The following TBCD variants were observed in gnomAD, a reference collection of about 807,000 sequenced individuals.
TBCD encodes the protein tubulin folding cofactor D.
TBCD carries 105 observed loss-of-function variants against 169.3 expected under a neutral mutation model. The observed-to-expected ratio is 0.62, with a 90% CI of 0.53 to 0.73. The LOEUF (loss-of-function observed/expected upper bound fraction) is 0.73. Ranked by LOEUF, TBCD falls within the 30% of genes least tolerant of loss-of-function variation. The pLI, the probability that TBCD is intolerant of heterozygous loss-of-function variation, is 0.00. For missense variants in TBCD, 1,444 were observed against 1,600.1 expected (o/e 0.90, Z 1.66); for synonymous variants, 700 against 643.9 (o/e 1.09, Z -1.32).
At chr17:82,877,028 T>A in intron 14 of TBCD, 1 of 952,372 alleles carries the variant, frequency 1.1e-6, no homozygotes, top group Non-Finnish European at 1.3e-6. Context: ...TTTCCATTCT[T>A]TCTTCATTAA....
At chr17:82,881,444 A>T (rs1448190496) in intron 14 of TBCD, among the ~76,000 whole-genome samples, 1 of 152,152 alleles carries the variant, frequency 6.6e-6, no homozygotes, top group Non-Finnish European at 1.5e-5. Flanking sequence ...GGCTGTGCTG[A>T]TGCTGGAGCA....
chr17:82,826,764 A>G (rs2052885142), intron 13 of TBCD, among the ~76,000 whole-genome samples: 1 of 150,456 alleles, frequency 6.6e-6, no homozygotes, highest in South Asian at 2.1e-4. Flanking sequence ...CAACAGTACA[A>G]TTTTTGCTTT....
Position 82,752,286 on chromosome 17 carries a change from C to T in TBCD, c.93C>T (p.Gly31=), listed in dbSNP as rs1374671309. The change falls in exon 1 of 39, where the codon GGC becomes GGT. Residue 31 remains glycine (G), a synonymous_variant. Coordinates refer to ENST00000355528, the MANE Select transcript of TBCD (RefSeq NM_005993.5). The part of the protein sequence containing the change: ...LAFGAALEAF[G]ESAETRALLG... ...TTGGCGCGGCGCTGGAAGCGTTCGG[C>T]GAGAGCGCGGAGACCCGGGCGCTGC... 2 of 1,512,876 alleles carry T rather than the reference C, an allele frequency of 1.3e-6. No individual in the cohort carries two copies. 93.7% of individuals were successfully genotyped at this position (1,512,876 alleles called of 1,614,324 possible).
In TBCD at chr17:82,924,951, C is replaced by G. The variant is rs374216515; in HGVS notation, c.2273C>G (p.Thr758Arg). The G allele has an allele frequency of 1.3e-6, 2 of 1,564,634 alleles. No individual in the cohort carries two copies. Among genetic ancestry groups the G allele is most frequent in the Non-Finnish European group, 1.7e-6 (2 of 1,153,562 alleles). Residue 758 changes from threonine (T) to arginine (R), a missense_variant, in exon 27 of 39, where the codon ACG becomes AGG. By Grantham distance (71) the Thr-to-Arg change is moderately conservative. Coordinates refer to ENST00000355528, the MANE Select transcript of TBCD (RefSeq NM_005993.5). ...ADPAIQEELI[T>R]QYLAELRNPE... ...TGCTTCCTTTCAGAGGAGCTGATCA[C>G]GCAGTACCTGGCTGAGCTTCGGAAC...
rs1420482668 is a variant in TBCD at position 82,920,575 on chromosome 17, G to A, written c.2058G>A (p.Lys686=). 10 of 1,527,762 alleles carry A rather than the reference G, an allele frequency of 6.5e-6. No homozygotes were observed. The highest frequency in any genetic ancestry group is 8.8e-6 in the Non-Finnish European group (10 of 1,132,450). 94.6% of individuals were successfully genotyped at this position (1,527,762 alleles called of 1,614,324 possible). A position where few individuals can be genotyped will look rare whatever the true frequency, so the allele number is the denominator to read the frequency against. ...TTCCAGTGTGTGTTTTAATAGAAAA[G>A]TTGTCACTTTCCAAAATGCCCTTTA... ...MRQAVCVLIE[K]LSLSKMPFRG... is the part of the protein sequence containing the mutation. Residue 686 remains lysine, a synonymous_variant, in exon 24 of 39, where the codon AAG becomes AAA. Transcript: ENST00000355528. This position sits in a 1 kb window ranked among gnomAD's most constrained non-coding sequence, Gnocchi z 4.1.
At chr17:82,755,829 G>A (rs563905704) in intron 1 of TBCD, among the ~76,000 whole-genome samples, 7 of 152,210 alleles carry the variant, frequency 4.6e-5, no homozygotes, top group South Asian at 2.1e-4. Context: ...GGCCCTTAAC[G>A]GCTGGCAGAG....
chr17:82,878,960 T>G (rs1190229301), intron 14 of TBCD, among the ~76,000 whole-genome samples: 3 of 152,244 alleles, frequency 2.0e-5, no homozygotes, highest in Non-Finnish European at 2.9e-5. Flanking sequence ...TTTGTTTGAG[T>G]TATAATCTAA....
intron 20 of TBCD, among the ~76,000 whole-genome samples, chr17:82,907,538 T>C (rs1363859810): frequency 6.6e-6 from 1 of 152,178 alleles, no homozygotes; most frequent in African/African-American, 2.4e-5. Context: ...AAGAATGCAA[T>C]GTAAAACAAT....
Position 82,884,281 on chromosome 17 carries a change from G to A in TBCD, c.1533+79G>A. 1 of 1,365,650 alleles carries A rather than the reference G, an allele frequency of 7.3e-7. No homozygotes were observed. Among genetic ancestry groups the A allele is most frequent in the Non-Finnish European group, 1.0e-6 (1 of 980,228 alleles). The allele number at this position is 1,365,650 out of a possible 1,614,324, so 84.6% of individuals were successfully genotyped here. A position where few individuals can be genotyped will look rare whatever the true frequency, so the allele number is the denominator to read the frequency against. On this transcript the variant is annotated intron_variant, in intron 15 of 38. Transcript: ENST00000355528. The surrounding 1 kb of genome is among the most constrained non-coding windows in gnomAD (Gnocchi z 4.2). The stretch of plus-strand genomic sequence containing the variant: ...TCTCCCTGATGCTCCTCTGTGCACT[G>A]CTGCCTGGCCAGCTCACCCATCCAC...
chr17:82,869,842 C>T (rs937583984), intron 13 of TBCD, among the ~76,000 whole-genome samples: 3 of 152,036 alleles, frequency 2.0e-5, no homozygotes, highest in South Asian at 2.1e-4. Context: ...GAACCAGGGG[C>T]GCCTCTCCCT....
intron 5 of TBCD, among the ~76,000 whole-genome samples, chr17:82,770,432 T>A (rs1246251450): frequency 6.6e-6 from 1 of 151,876 alleles, no homozygotes; most frequent in Non-Finnish European, 1.5e-5. Flanking sequence ...AAACCTTGTC[T>A]CTACTAAAAA....
intron 1 of TBCD, among the ~76,000 whole-genome samples, chr17:82,753,910 C>T (rs1487153510): frequency 6.7e-6 from 1 of 148,388 alleles, no homozygotes; most frequent in Admixed American, 6.7e-5. Flanking sequence ...CTTTGTCCCC[C>T]AGGGTGGAGT....
intron 30 of TBCD, among the ~76,000 whole-genome samples, chr17:82,928,440 G>A (rs3785511): frequency 6.6e-6 from 1 of 152,074 alleles, no homozygotes; most frequent in Admixed American, 6.5e-5. Context: ...TCGGGGGCAC[G>A]GGGTTGTGGG....
chr17:82,863,579 G>A (rs578212178), intron 13 of TBCD, among the ~76,000 whole-genome samples: 26 of 152,346 alleles, frequency 1.7e-4, no homozygotes, highest in Non-Finnish European at 1.6e-4. Flanking sequence ...GAGCGGGGAG[G>A]GTGCTGGTTG....
At position 82,920,609 on chromosome 17, in the gene TBCD, A is replaced by G; in HGVS notation, c.2092A>G (p.Thr698Ala). ...SLSKMPFRGD[T>A]VIDGWQWLIN... Reference sequence around the variant, plus strand: ...TTCCAAAATGCCCTTTAGAGGTGACACCGTAATTGGTAAGTGCTTTTGTTT... The same window carrying G: ...TTCCAAAATGCCCTTTAGAGGTGACGCCGTAATTGGTAAGTGCTTTTGTTT... Residue 698 changes from threonine (T) to alanine (A), a missense_variant, in exon 24 of 39, where the codon ACC becomes GCC. Physicochemically the swap from Thr to Ala is moderately conservative, Grantham distance 58. Transcript: ENST00000355528. The surrounding 1 kb of genome is among the most constrained non-coding windows in gnomAD (Gnocchi z 4.1). 1 of 1,550,096 alleles carries G rather than the reference A, an allele frequency of 6.5e-7. No homozygotes were observed. Among genetic ancestry groups the G allele is most frequent in the East Asian group, 2.4e-5 (1 of 41,914 alleles).
chr17:82,841,264 T>A (rs1369442788), intron 13 of TBCD, among the ~76,000 whole-genome samples: 6 of 152,022 alleles, frequency 3.9e-5, no homozygotes, highest in Admixed American at 6.6e-5. Context: ...TTTGTTATTT[T>A]TTTCCTTAAG....
Position 82,922,324 on chromosome 17 carries a change from G to A in TBCD, c.2178+747G>A, listed in dbSNP as rs2061468788. Among the ~76,000 whole-genome samples, 1 of 152,104 alleles carries A rather than the reference G, an allele frequency of 6.6e-6. No individual in the cohort carries two copies. Among genetic ancestry groups the A allele is most frequent in the African/African-American group, 2.4e-5 (1 of 41,416 alleles). ...TGCAGTGAACCGAGATCACGCCATT[G>A]CACTCCAGCCTGGGTGACAAGAGCA... On this transcript the variant is annotated intron_variant, in intron 25 of 38. Coordinates refer to ENST00000355528, the MANE Select transcript of TBCD (RefSeq NM_005993.5). The surrounding 1 kb of genome is among the most constrained non-coding windows in gnomAD (Gnocchi z 4.1).
chr17:82,780,992 C>T (rs761377044), intron 6 of TBCD, among the ~76,000 whole-genome samples: 17 of 151,958 alleles, frequency 1.1e-4, no homozygotes, highest in Non-Finnish European at 1.5e-4. Context: ...AGGTGTCCTG[C>T]GCTGAGGCCG....
intron 13 of TBCD, among the ~76,000 whole-genome samples, chr17:82,869,657 T>C (rs2057420940): frequency 6.6e-6 from 1 of 152,232 alleles, no homozygotes; most frequent in Non-Finnish European, 1.5e-5. Flanking sequence ...GAGCCCTGCA[T>C]GGGTTATTCT....
Sources: allele counts gnomAD v4.1 joint callset (sites outside exome capture counted in the v4.1 genomes callset), GRCh38; gene constraint gnomAD v4.1.1; non-coding constraint Gnocchi (gnomAD v3.1); transcripts MANE v1.5; gene names NCBI Gene and HGNC (gene_info 2026-07-23, HGNC 2026-07-21).